Variants in ATR observed in about 807,000 individuals in gnomAD.
ATR encodes serine/threonine-protein kinase ATR.
Under a neutral mutation model 305.3 loss-of-function variants are expected in ATR, and 142 were observed. The ratio of observed to expected loss-of-function variants is 0.47; its 90% confidence interval spans 0.41 to 0.53. The LOEUF is 0.53. Among genes scored for constraint, ATR ranks in the 20% least tolerant of loss-of-function variants. The pLI, the probability that ATR is intolerant of heterozygous loss-of-function variation, is 0.00. For missense variants in ATR, 2,135 were observed against 3,133.1 expected, an observed-to-expected ratio of 0.68 and a Z score of 7.60; for synonymous variants, 1,050 against 1,068.1, an observed-to-expected ratio of 0.98 and a Z score of 0.33.
At chr3:142,452,631 G>A in intron 46 of ATR, 1 of 918,958 alleles carries the variant, frequency 1.1e-6, no homozygotes, top group Non-Finnish European at 1.3e-6. Flanking sequence ...CCAAGATCGT[G>A]CCACTGTACT....
chr3:142,475,486 C>T (rs1331145806), intron 36 of ATR, among the ~76,000 whole-genome samples: 1 of 152,168 alleles, frequency 6.6e-6, no homozygotes, highest in Non-Finnish European at 1.5e-5. Context: ...TTTTCTTAAT[C>T]CAGTCTATCA....
chr3:142,554,075 A>G, intron 10 of ATR, 60 bp from the exon 11 acceptor site: 1 of 1,372,300 alleles, frequency 7.3e-7, no homozygotes. Context: ...GTTGTACTGT[A>G]AAAATATTGT....
intron 24 of ATR, among the ~76,000 whole-genome samples, chr3:142,517,549 A>G (rs917183549): frequency 2.0e-5 from 3 of 152,174 alleles, no homozygotes; most frequent in Admixed American, 6.5e-5. Flanking sequence ...AACGCACTCT[A>G]TCAACCTCTT....
intron 16 of ATR, among the ~76,000 whole-genome samples, chr3:142,545,845 T>C (rs577620683): frequency 9.5e-4 from 144 of 152,260 alleles, no homozygotes; most frequent in Admixed American, 1.5e-3. Context: ...AACTGGTAGA[T>C]AGCGGTACCA....
At chr3:142,561,479 T>A in intron 4 of ATR, 58 bp from the exon 5 acceptor site, 1 of 1,503,146 alleles carries the variant, frequency 6.7e-7, no homozygotes, top group Non-Finnish European at 9.0e-7. Context: ...TTTATATTAT[T>A]CATAGGCAGC....
intron 34 of ATR, among the ~76,000 whole-genome samples, chr3:142,494,731 C>A (rs1325459033): frequency 6.6e-6 from 1 of 152,144 alleles, no homozygotes; most frequent in Non-Finnish European, 1.5e-5. Context: ...TAGGCCAGGA[C>A]TTGATCAGAA....
intron 36 of ATR, among the ~76,000 whole-genome samples, chr3:142,480,582 C>T (rs145258836): frequency 1.2e-4 from 18 of 152,334 alleles, no homozygotes; most frequent in South Asian, 4.1e-4. Context: ...TCTCAAACTC[C>T]GTGCTGGGAG....
rs1234030733 is a variant in ATR, at chr3:142,524,149, G to A, written c.3996C>T (p.Ile1332=). ...ATDSETVEPI[I]SQLVTVLLKG... is the part of the protein sequence containing the mutation. ...TCAAAAGCACTGTCACCAACTGTGA[G>A]ATAATAGGTTCTACTGTTTCACTGT... is the stretch of plus-strand genomic sequence containing the variant. Residue 1332 remains isoleucine, a synonymous_variant, in exon 22 of 47, where the codon ATC becomes ATT. Coordinates refer to ENST00000350721, the MANE Select transcript of ATR (RefSeq NM_001184.4). 4 of 1,614,042 alleles carry A rather than the reference G, an allele frequency of 2.5e-6. No homozygotes were observed. In the South Asian group the frequency reaches 3.3e-5, roughly 13 times the overall value.
At chr3:142,462,711 G>A (rs929941070) in intron 41 of ATR, among the ~76,000 whole-genome samples, 5 of 152,146 alleles carry the variant, frequency 3.3e-5, no homozygotes, top group Non-Finnish European at 5.9e-5. Context: ...CTAGTGATCC[G>A]CCTGCCTCGG....
chr3:142,501,168 T>G (rs1261279401), intron 30 of ATR, among the ~76,000 whole-genome samples: 3 of 152,162 alleles, frequency 2.0e-5, no homozygotes, highest in Non-Finnish European at 2.9e-5. Flanking sequence ...TATTGACGCA[T>G]GCCTTTTTCA....
chr3:142,477,306 T>G (rs1188099639), intron 36 of ATR, among the ~76,000 whole-genome samples: 1 of 152,254 alleles, frequency 6.6e-6, no homozygotes, highest in Non-Finnish European at 1.5e-5. Flanking sequence ...CATGAAGGGC[T>G]GTTGAATTTT....
At chr3:142,450,871 G>A in intron 46 of ATR, 1 of 1,321,478 alleles carries the variant, frequency 7.6e-7, no homozygotes, top group Non-Finnish European at 9.8e-7. Flanking sequence ...CGACCAAGCA[G>A]ACAGATACCA....
At position 142,466,356 on chromosome 3, in the gene ATR, G is replaced by A; in HGVS notation, c.6865C>T (p.His2289Tyr). The A allele has an allele frequency of 1.9e-6, 3 of 1,613,924 alleles. No individual in the cohort carries two copies. The highest frequency in any genetic ancestry group is 1.7e-6 in the Non-Finnish European group (2 of 1,179,880). The change falls in exon 40 of 47, where the codon CAT becomes TAT. Residue 2289 changes from histidine to tyrosine, a missense_variant. Around this residue, in one of 9 missense-constraint regions of ATR, gnomAD observed 462 missense variants for 887.6 expected, o/e 0.52. Coordinates refer to ENST00000350721, the MANE Select transcript of ATR (RefSeq NM_001184.4). The part of the protein sequence containing the change: ...NHASHEPFPG[H>Y]WAYIAGFDDM... ...TCAAACCCTGCAATATAGGCCCAAT[G>A]TCCAGGAAATGGTTCATGGCTAGCA...
Position 142,505,310 on chromosome 3 carries a change from T to G in ATR, c.5032-7A>C, listed in dbSNP as rs752210404. 8.1e-6 allele frequency: 13 copies of G among 1,613,130 alleles called. No individual in the cohort carries two copies. Among genetic ancestry groups the G allele is most frequent in the Non-Finnish European group, 1.1e-5 (13 of 1,179,710 alleles). On this transcript the variant is annotated splice_region_variant and splice_polypyrimidine_tract_variant and intron_variant, in intron 28 of 46. Coordinates refer to ENST00000350721, the MANE Select transcript of ATR (RefSeq NM_001184.4). ...GCATAGCAGCATACAATTTCTTTGTTCAATGATTAAAAAACAATCAAAAAC... is the reference window on the plus strand; with the variant it reads ...GCATAGCAGCATACAATTTCTTTGTGCAATGATTAAAAAACAATCAAAAAC...
intron 7 of ATR, 96 bp downstream of exon 7, chr3:142,559,155 C>T (rs1483599750): frequency 5.2e-6 from 7 of 1,339,804 alleles, no homozygotes; most frequent in Non-Finnish European, 7.3e-6. Flanking sequence ...TCTGAGTATT[C>T]CAAACACGCA....
At chr3:142,521,924 G>A (rs2033164709) in intron 23 of ATR, among the ~76,000 whole-genome samples, 1 of 152,228 alleles carries the variant, frequency 6.6e-6, no homozygotes. Flanking sequence ...CAAGGTTTGA[G>A]AGGACTCATT....
intron 1 of ATR, among the ~76,000 whole-genome samples, chr3:142,571,053 T>G (rs2035242244): frequency 6.6e-6 from 1 of 152,200 alleles, no homozygotes; most frequent in Non-Finnish European, 1.5e-5. Flanking sequence ...TTCATAAACA[T>G]AGAAAGAATG....
At chr3:142,474,423 A>C (rs1426307041) in intron 36 of ATR, among the ~76,000 whole-genome samples, 1 of 152,068 alleles carries the variant, frequency 6.6e-6, no homozygotes, top group Non-Finnish European at 1.5e-5. Flanking sequence ...TCAATGTTTT[A>C]TAGTTTTCAT....
intron 45 of ATR, among the ~76,000 whole-genome samples, chr3:142,456,870 C>T (rs1335806751): frequency 6.6e-6 from 1 of 152,194 alleles, no homozygotes; most frequent in African/African-American, 2.4e-5. Flanking sequence ...TAAAGTGTTA[C>T]AACTGCTTTG....
Sources: allele counts gnomAD v4.1 joint callset (sites outside exome capture counted in the v4.1 genomes callset), GRCh38; gene constraint gnomAD v4.1.1; regional missense constraint gnomAD v4.1.1; transcripts MANE v1.5; gene names NCBI Gene and HGNC (gene_info 2026-07-23, HGNC 2026-07-21).